Variants in TOX observed in about 807,000 individuals in gnomAD.
TOX encodes thymocyte selection-associated high mobility group box protein TOX.
A neutral mutation model predicts 53.7 loss-of-function variants in TOX; 11 were observed. The ratio of observed to expected loss-of-function variants is 0.20; its 90% CI spans 0.13 to 0.34. The LOEUF (loss-of-function observed/expected upper bound fraction) is 0.34, where lower values mean the gene tolerates loss of function less well. TOX is among the 10% of genes least tolerant of loss of function. TOX has a pLI of 1.00. For synonymous variants in TOX, 225 were observed against 245.3 expected (o/e 0.92, Z 0.77); for missense variants, 570 against 664.6 (o/e 0.86, Z 1.56).
At chr8:59,077,019 C>T (rs1005265478) in intron 1 of TOX, among the ~76,000 whole-genome samples, 5 of 152,196 alleles carry the variant, frequency 3.3e-5, no homozygotes, top group Non-Finnish European at 5.9e-5. Flanking sequence ...GTAGCATTTT[C>T]TCATTTTACT....
chr8:59,083,510 T>A (rs932276739), intron 1 of TOX, among the ~76,000 whole-genome samples: 2 of 152,194 alleles, frequency 1.3e-5, no homozygotes, highest in Non-Finnish European at 2.9e-5. Flanking sequence ...GGAGCATTTA[T>A]GGAGATGAAA....
chr8:58,968,605 AGAT>A (rs1563404107), intron 1 of TOX, among the ~76,000 whole-genome samples: 1 of 152,198 alleles, frequency 6.6e-6, no homozygotes, highest in Non-Finnish European at 1.5e-5. Context: ...AATTCAACAT[AGAT>A]GTGGAATGAA....
At chr8:59,106,357 C>T (rs904832338) in intron 1 of TOX, among the ~76,000 whole-genome samples, 1 of 151,976 alleles carries the variant, frequency 6.6e-6, no homozygotes, top group African/African-American at 2.4e-5. Context: ...ATAGCAAGTG[C>T]CATAAGAAAA....
chr8:58,855,860 T>C (rs1326271405), intron 3 of TOX, among the ~76,000 whole-genome samples: 1 of 152,230 alleles, frequency 6.6e-6, no homozygotes, highest in Non-Finnish European at 1.5e-5. Flanking sequence ...TTGTTTACGC[T>C]GCTCTGTCAT....
intron 1 of TOX, among the ~76,000 whole-genome samples, chr8:59,016,483 C>T (rs1451442969): frequency 6.6e-6 from 1 of 152,130 alleles, no homozygotes; most frequent in Non-Finnish European, 1.5e-5. Context: ...ACCACTACTG[C>T]TAACTATGGC....
intron 1 of TOX, among the ~76,000 whole-genome samples, chr8:59,093,249 C>T (rs192180473): frequency 6.6e-6 from 1 of 152,240 alleles, no homozygotes; most frequent in East Asian, 1.9e-4. Context: ...CTTTGTTATG[C>T]CCAAGTTTCA....
At chr8:58,858,393 C>T (rs1396048257) in intron 3 of TOX, among the ~76,000 whole-genome samples, 1 of 152,230 alleles carries the variant, frequency 6.6e-6, no homozygotes, top group Non-Finnish European at 1.5e-5. Context: ...CTGCCTCTAG[C>T]AGACAATCTA....
chr8:58,857,582 CA>C (rs1181587581), intron 3 of TOX, among the ~76,000 whole-genome samples: 1 of 152,082 alleles, frequency 6.6e-6, no homozygotes, highest in East Asian at 1.9e-4. Context: ...ATTAGGAAGC[CA>C]AAGCTGAAGT....
At chr8:58,944,856 T>C (rs1812501512) in intron 2 of TOX, among the ~76,000 whole-genome samples, 2 of 152,166 alleles carry the variant, frequency 1.3e-5, no homozygotes, top group African/African-American at 2.4e-5. Context: ...TTCTCCACAA[T>C]GTCATTATAA....
intron 1 of TOX, among the ~76,000 whole-genome samples, chr8:59,005,972 C>T (rs762158124): frequency 7.2e-5 from 11 of 152,334 alleles, no homozygotes; most frequent in Middle Eastern, 3.4e-3. Flanking sequence ...ATTTTACGCA[C>T]GGCCCTTGGC....
chr8:58,854,105 C>T (rs1206191895), intron 3 of TOX, among the ~76,000 whole-genome samples: 2 of 152,170 alleles, frequency 1.3e-5, no homozygotes, highest in African/African-American at 2.4e-5. Context: ...TGTGCATATT[C>T]CAACTTATAT....
intron 1 of TOX, among the ~76,000 whole-genome samples, chr8:58,973,359 A>G (rs969068467): frequency 2.6e-5 from 4 of 152,244 alleles, no homozygotes; most frequent in African/African-American, 9.6e-5. Context: ...GGTACTTTCC[A>G]ACTTTTATGT....
chr8:59,098,752 G>A (rs1804755989), intron 1 of TOX, among the ~76,000 whole-genome samples: 1 of 152,166 alleles, frequency 6.6e-6, no homozygotes, highest in Non-Finnish European at 1.5e-5. Context: ...CCAGCTCTCT[G>A]AGACCTGTCC....
At chr8:59,039,616 T>A (rs1026166117) in intron 1 of TOX, among the ~76,000 whole-genome samples, 1 of 152,228 alleles carries the variant, frequency 6.6e-6, no homozygotes, top group Non-Finnish European at 1.5e-5. Flanking sequence ...GACAGGATAA[T>A]GTCCTTCCAT....
intron 1 of TOX, among the ~76,000 whole-genome samples, chr8:59,067,993 A>G (rs918721094): frequency 6.6e-6 from 1 of 152,246 alleles, no homozygotes; most frequent in Non-Finnish European, 1.5e-5. Context: ...TGAATTAATA[A>G]AGTAACTTGT....
chr8:58,996,836 G>A (rs909216111), intron 1 of TOX, among the ~76,000 whole-genome samples: 7 of 152,152 alleles, frequency 4.6e-5, no homozygotes, highest in African/African-American at 9.7e-5. Context: ...AGTTTCCATC[G>A]ATGATGTCAC....
chr8:59,106,479 T>C (rs1040793688), intron 1 of TOX, among the ~76,000 whole-genome samples: 1 of 152,236 alleles, frequency 6.6e-6, no homozygotes, highest in Non-Finnish European at 1.5e-5. Flanking sequence ...ATTTTTGTTC[T>C]ACTTTCAAAC....
At chr8:58,860,951 G>T (rs570180979) in intron 3 of TOX, among the ~76,000 whole-genome samples, 1 of 152,160 alleles carries the variant, frequency 6.6e-6, no homozygotes. Flanking sequence ...ATGGCGTATA[G>T]CGTTGCCCTT....
At chr8:58,843,690 G>A (rs575633540) in intron 4 of TOX, among the ~76,000 whole-genome samples, 146 of 152,234 alleles carry the variant, frequency 9.6e-4, no homozygotes, top group African/African-American at 3.4e-3. Context: ...TATGAACACT[G>A]GGCATTGTCC....
Sources: gnomAD v4.1 joint callset for allele counts (sites outside exome capture counted in the v4.1 genomes callset) on GRCh38, gnomAD v4.1.1 for gene constraint, MANE v1.5 for transcripts, NCBI Gene and HGNC (gene_info 2026-07-23, HGNC 2026-07-21) for gene names.